The following GLIS3 variants were observed in gnomAD, a reference collection of about 807,000 sequenced individuals.
GLIS3 encodes zinc finger protein GLIS3.
In GLIS3, 53 loss-of-function variants were observed where a neutral mutation model predicts 78.6. The observed-to-expected ratio is 0.67, with a 90% CI of 0.54 to 0.85. GLIS3 has a LOEUF of 0.85. Among genes scored for constraint, GLIS3 ranks in the 40% least tolerant of loss-of-function variants. The probability of loss-of-function intolerance (pLI) is 0.00; values close to 1 mark genes in which losing one functional copy is unlikely to be tolerated. For missense variants in GLIS3, 1,703 were observed against 1,231.1 expected (o/e 1.38, Z -5.74); for synonymous variants, 684 against 509.9 (o/e 1.34, Z -4.60).
intron 9 of GLIS3, among the ~76,000 whole-genome samples, chr9:3,853,985 C>A (rs1819598635): frequency 6.6e-6 from 1 of 152,170 alleles, no homozygotes; most frequent in Non-Finnish European, 1.5e-5. Flanking sequence ...TTATATGATG[C>A]CACTGTGAGC....
At chr9:3,904,474 TC>T (rs1419335219) in intron 6 of GLIS3, among the ~76,000 whole-genome samples, 1 of 152,160 alleles carries the variant, frequency 6.6e-6, no homozygotes, top group Non-Finnish European at 1.5e-5. Context: ...CTCTCCACAC[TC>T]CTACACACAT....
rs143903468 is a variant in GLIS3, at chr9:4,041,549, T to G, written c.1710+76219A>C. Among the ~76,000 whole-genome samples, 7 of 152,322 alleles carry G rather than the reference T, an allele frequency of 4.6e-5. No homozygotes were observed. In the East Asian group the frequency reaches 1.3e-3, roughly 29 times the overall value. ...TTTTAGTGTGTGTGTGTCTCTGTGATGTTATCAGGTGCCTACTTAATTGTT... is the reference window on the plus strand; with the variant it reads ...TTTTAGTGTGTGTGTGTCTCTGTGAGGTTATCAGGTGCCTACTTAATTGTT... On this transcript the variant is annotated intron_variant, in intron 4 of 10. Coordinates refer to ENST00000381971, the MANE Select transcript of GLIS3 (RefSeq NM_001042413.2).
the GLIS3 span, chr9:4,386,426 TCA>T: frequency 6.6e-6 from 1 of 152,146 alleles, no homozygotes. Flanking sequence ...ATGAAACACT[TCA>T]CAAATTTGCA....
intron 4 of GLIS3, among the ~76,000 whole-genome samples, chr9:3,937,391 C>T (rs1825958400): frequency 6.6e-6 from 1 of 152,132 alleles, no homozygotes; most frequent in South Asian, 2.1e-4. Context: ...ATACATGCCA[C>T]TTTCTGTATC....
chr9:4,084,230 T>C (rs537266289), intron 4 of GLIS3, among the ~76,000 whole-genome samples: 5 of 142,856 alleles, frequency 3.5e-5, no homozygotes, highest in African/African-American at 1.0e-4. Flanking sequence ...CAATGTGTAA[T>C]CTCTCTCTCC....
At chr9:4,266,595 T>TACACAC (rs57746056) in intron 2 of GLIS3, among the ~76,000 whole-genome samples, 4 of 149,294 alleles carry the variant, frequency 2.7e-5, no homozygotes, top group Admixed American at 1.3e-4. Flanking sequence ...CATGCGCGTG[T>TACACAC]ACACACACAC....
the GLIS3 span, among the ~76,000 whole-genome samples, chr9:4,458,609 G>A: frequency 1.3e-5 from 2 of 152,076 alleles, no homozygotes; most frequent in Non-Finnish European, 2.9e-5. Flanking sequence ...CCAACATAGT[G>A]AAATCCCATC....
chr9:4,249,386 T>A (rs1824131653), intron 2 of GLIS3, among the ~76,000 whole-genome samples: 1 of 152,182 alleles, frequency 6.6e-6, no homozygotes, highest in Non-Finnish European at 1.5e-5. Context: ...TTGTAGCAAT[T>A]GTGAATGGAA....
intron 4 of GLIS3, among the ~76,000 whole-genome samples, chr9:4,061,372 ATGTTCC>A (rs1826643839): frequency 6.6e-6 from 1 of 151,986 alleles, no homozygotes; most frequent in South Asian, 2.1e-4. Context: ...AGCTTCATCC[ATGTTCC>A]TACAAAACAT....
At chr9:4,398,011 C>T in the GLIS3 span, among the ~76,000 whole-genome samples, 5 of 152,064 alleles carry the variant, frequency 3.3e-5, no homozygotes, top group Non-Finnish European at 7.4e-5. Flanking sequence ...TCAGATGCCC[C>T]TCTCATTCTG....
At chr9:4,259,401 T>G (rs575658034) in intron 2 of GLIS3, among the ~76,000 whole-genome samples, 1 of 152,186 alleles carries the variant, frequency 6.6e-6, no homozygotes, top group South Asian at 2.1e-4. Flanking sequence ...TGAAAAACAC[T>G]GGAGAGTGCT....
chr9:4,286,311 C>A lies in GLIS3; in HGVS notation c.115G>T (p.Gly39Cys). 1 of 1,614,158 alleles carries A rather than the reference C, an allele frequency of 6.2e-7. No individual in the cohort carries two copies. Among genetic ancestry groups the A allele is most frequent in the Non-Finnish European group, 8.5e-7 (1 of 1,180,000 alleles). Reference protein sequence around the residue: ...PAIRAHSGTPGPSPCGSTSSP... With the variant: ...PAIRAHSGTPCPSPCGSTSSP... Reference sequence around the variant, plus strand: ...GATGTGCTGCCACAGGGCGAGGGGCCAGGAGTCCCGGAGTGGGCTCGGATG... The same window carrying A: ...GATGTGCTGCCACAGGGCGAGGGGCAAGGAGTCCCGGAGTGGGCTCGGATG... Residue 39 changes from glycine (G) to cysteine (C), a missense_variant, in exon 2 of 11, where the codon GGC becomes TGC. Physicochemically the swap from Gly to Cys is radical, Grantham distance 159. Transcript: ENST00000381971.
At chr9:4,196,212 A>C (rs1225384479) in intron 2 of GLIS3, among the ~76,000 whole-genome samples, 1 of 152,232 alleles carries the variant, frequency 6.6e-6, no homozygotes, top group East Asian at 1.9e-4. Context: ...TGCACCAATC[A>C]GCACTCTGTA....
intron 4 of GLIS3, among the ~76,000 whole-genome samples, chr9:4,307,935 T>C (rs140699480): frequency 2.3e-4 from 35 of 152,234 alleles, no homozygotes; most frequent in African/African-American, 8.2e-4. Flanking sequence ...TTGCGGGTTG[T>C]TTAGGGTGCT....
intron 4 of GLIS3, among the ~76,000 whole-genome samples, chr9:4,116,976 A>C (rs1039781029): frequency 1.3e-5 from 2 of 152,176 alleles, no homozygotes; most frequent in African/African-American, 4.8e-5. Flanking sequence ...TTGTTGTGAA[A>C]CCATTTAAGA....
intron 4 of GLIS3, among the ~76,000 whole-genome samples, chr9:4,017,189 A>G (rs918956157): frequency 2.0e-5 from 3 of 152,160 alleles, no homozygotes; most frequent in Non-Finnish European, 2.9e-5. Flanking sequence ...GGCTTTGTAT[A>G]TGACTCTGTA....
At chr9:4,202,948 G>C (rs1352446893) in intron 2 of GLIS3, among the ~76,000 whole-genome samples, 1 of 152,192 alleles carries the variant, frequency 6.6e-6, no homozygotes, top group Admixed American at 6.6e-5. Context: ...AAAGGCAATT[G>C]CAACAAAAAC....
intron 4 of GLIS3, among the ~76,000 whole-genome samples, chr9:4,078,037 G>C (rs1308730339): frequency 6.6e-6 from 1 of 152,106 alleles, no homozygotes; most frequent in Non-Finnish European, 1.5e-5. Context: ...CTGTTAAAAT[G>C]ACTGGTGTGA....
the GLIS3 span, among the ~76,000 whole-genome samples, chr9:4,391,149 G>T: frequency 1.3e-5 from 2 of 152,086 alleles, no homozygotes; most frequent in African/African-American, 4.8e-5. Context: ...ATATTCTGCT[G>T]CCTCTGGCTT....
Sources: allele counts gnomAD v4.1 joint callset (sites outside exome capture counted in the v4.1 genomes callset), GRCh38; gene constraint gnomAD v4.1.1; transcripts MANE v1.5; gene names NCBI Gene and HGNC (gene_info 2026-07-23, HGNC 2026-07-21).